SLC9B1: variants seen among roughly 807,000 people sequenced by gnomAD.
SLC9B1 encodes solute carrier family 9 member B1, also known as sodium/hydrogen exchanger 9B1.
Under a neutral mutation model 51.7 loss-of-function variants are expected in SLC9B1, and 32 were observed. The ratio of observed to expected loss-of-function variants is 0.62; its 90% CI spans 0.47 to 0.83. The LOEUF (loss-of-function observed/expected upper bound fraction) is 0.83, where lower values mean the gene tolerates loss of function less well. Ranked by LOEUF, SLC9B1 falls within the 40% of genes least tolerant of loss-of-function variation. The pLI is 0.00. For synonymous variants in SLC9B1, 145 were observed against 212.7 expected, an observed-to-expected ratio of 0.68 and a Z score of 2.77; for missense variants, 406 against 613.2, an observed-to-expected ratio of 0.66 and a Z score of 3.57.
chr4:102,974,241 T>TAAAAAAAA (rs1560962155), intron 3 of SLC9B1, among the ~76,000 whole-genome samples: 1 of 16,756 alleles, frequency 6.0e-5, no homozygotes, highest in African/African-American at 1.8e-4. Context: ...TGTCTAAAAT[T>TAAAAAAAA]GAAAAAAAAA....
chr4:102,907,118 C>A (rs1018524736), intron 9 of SLC9B1, among the ~76,000 whole-genome samples: 1 of 152,176 alleles, frequency 6.6e-6, no homozygotes, highest in African/African-American at 2.4e-5. Flanking sequence ...TTTATTCAAA[C>A]ACTTAGGTAG....
intron 4 of SLC9B1, among the ~76,000 whole-genome samples, chr4:102,947,090 C>A (rs1256569093): frequency 6.6e-6 from 1 of 152,050 alleles, no homozygotes; most frequent in Non-Finnish European, 1.5e-5. Context: ...AGTAAGGCAC[C>A]ATGGGAAGGT....
chr4:102,991,769 A>G, intron 1 of SLC9B1, 57 bp from the exon 2 acceptor site: 1 of 1,231,622 alleles, frequency 8.1e-7, no homozygotes, highest in Non-Finnish European at 1.1e-6. Flanking sequence ...AATCCATATG[A>G]AAACAAACAT....
At position 102,981,227 on chromosome 4, in the gene SLC9B1, GTTTA is replaced by G. The variant is rs775825330; in HGVS notation, c.211+8569_211+8572del. Among the ~76,000 whole-genome samples, 19 of 152,174 alleles carry G rather than the reference GTTTA, an allele frequency of 1.2e-4. No homozygotes were observed. In the East Asian group the frequency reaches 2.5e-3, roughly 20 times the overall value. The stretch of plus-strand genomic sequence containing the variant: ...TATTCCACTTTCTAGATGTACCACA[GTTTA>G]TTTATTCACTCACCTAATGAAAGAC... On this transcript the variant is annotated intron_variant, in intron 3 of 11. Coordinates refer to ENST00000296422, the MANE Select transcript of SLC9B1 (RefSeq NM_139173.4).
chr4:102,947,617 T>G (rs1183195417), intron 4 of SLC9B1, among the ~76,000 whole-genome samples: 1 of 152,218 alleles, frequency 6.6e-6, no homozygotes, highest in African/African-American at 2.4e-5. Context: ...CCTCCCAAAG[T>G]GCTGGGATTA....
At chr4:102,964,793 T>C (rs1041050731) in intron 3 of SLC9B1, among the ~76,000 whole-genome samples, 11 of 152,170 alleles carry the variant, frequency 7.2e-5, no homozygotes, top group African/African-American at 2.2e-4. Flanking sequence ...AGGGAACTTC[T>C]TCAAATGATC....
At chr4:102,927,390 AC>A (rs1204761169) in intron 7 of SLC9B1, among the ~76,000 whole-genome samples, 3 of 152,230 alleles carry the variant, frequency 2.0e-5, no homozygotes, top group Non-Finnish European at 2.9e-5. Flanking sequence ...CAAGAAAAAA[AC>A]AATACCATCA....
intron 3 of SLC9B1, among the ~76,000 whole-genome samples, chr4:102,981,966 C>A (rs575967000): frequency 3.3e-5 from 5 of 152,180 alleles, no homozygotes; most frequent in Admixed American, 1.3e-4. Flanking sequence ...ATACCTAAAA[C>A]TCATTACCAT....
chr4:103,005,277 AC>A lies in SLC9B1; in HGVS notation c.-1-13566del, dbSNP rs199595591. On this transcript the variant is annotated intron_variant, in intron 1 of 11. Coordinates refer to ENST00000296422, the MANE Select transcript of SLC9B1 (RefSeq NM_139173.4). Reference sequence around the variant, plus strand: ...CAAGCAAATTAAAAAAAAAAAAAAAACCAGAAAAAAGCAGGGGTTACTGTTC... The same window carrying A: ...CAAGCAAATTAAAAAAAAAAAAAAAACAGAAAAAAGCAGGGGTTACTGTTC... Among the ~76,000 whole-genome samples, 1,044 of 148,040 alleles carry A rather than the reference AC, an allele frequency of 7.1e-3. 6 individuals carry two copies. The highest frequency in any genetic ancestry group is 0.025 in the African/African-American group (997 of 40,004).
intron 3 of SLC9B1, among the ~76,000 whole-genome samples, chr4:102,957,775 T>C (rs188423916): frequency 5.3e-5 from 8 of 150,850 alleles, no homozygotes; most frequent in African/African-American, 2.0e-4. Flanking sequence ...TGTGTGTATG[T>C]GTGTATATGT....
chr4:102,934,545 T>C (rs1226595559), intron 6 of SLC9B1, among the ~76,000 whole-genome samples: 1 of 152,138 alleles, frequency 6.6e-6, no homozygotes, highest in Non-Finnish European at 1.5e-5. Flanking sequence ...ACACCTGTAA[T>C]CCCAGCACTT....
At chr4:102,959,525 A>G (rs1002388431) in intron 3 of SLC9B1, among the ~76,000 whole-genome samples, 1 of 149,402 alleles carries the variant, frequency 6.7e-6, no homozygotes, top group Non-Finnish European at 1.5e-5. Flanking sequence ...CATTTTGAGG[A>G]AAGATATTTT....
At chr4:102,993,431 G>A (rs1740053417) in intron 1 of SLC9B1, among the ~76,000 whole-genome samples, 1 of 152,200 alleles carries the variant, frequency 6.6e-6, no homozygotes, top group Admixed American at 6.5e-5. Context: ...TGCAAGAGGT[G>A]GGCTCCCATG....
At chr4:103,017,737 A>C (rs1741458366) in intron 1 of SLC9B1, among the ~76,000 whole-genome samples, 1 of 152,190 alleles carries the variant, frequency 6.6e-6, no homozygotes, top group Non-Finnish European at 1.5e-5. Flanking sequence ...CTATTATCCA[A>C]AATTCCTTGC....
intron 3 of SLC9B1, among the ~76,000 whole-genome samples, chr4:102,958,941 C>T (rs1737943518): frequency 6.6e-6 from 1 of 151,008 alleles, no homozygotes; most frequent in South Asian, 2.1e-4. Context: ...AAAAAATCAA[C>T]AGAGAAATTG....
intron 7 of SLC9B1, among the ~76,000 whole-genome samples, chr4:102,921,417 A>G (rs1239266221): frequency 6.6e-6 from 1 of 152,222 alleles, no homozygotes; most frequent in Non-Finnish European, 1.5e-5. Flanking sequence ...GGAAGCACTA[A>G]ACATGGAAAG....
intron 3 of SLC9B1, among the ~76,000 whole-genome samples, chr4:102,986,857 C>G (rs1167557745): frequency 6.6e-6 from 1 of 152,072 alleles, no homozygotes. Context: ...CTCATCTGTT[C>G]TTACATGTTT....
At chr4:102,943,506 T>TATATACACACAC (rs1553982064) in intron 6 of SLC9B1, among the ~76,000 whole-genome samples, 2 of 145,482 alleles carry the variant, frequency 1.4e-5, no homozygotes, top group African/African-American at 5.1e-5. Context: ...TGTGTATGTA[T>TATATACACACAC]ACACACACAC....
intron 3 of SLC9B1, among the ~76,000 whole-genome samples, chr4:102,978,680 A>T (rs1739203726): frequency 6.6e-6 from 1 of 152,154 alleles, no homozygotes; most frequent in African/African-American, 2.4e-5. Flanking sequence ...GCTGGAGAGG[A>T]TGTGGAGAAA....
Sources: allele counts gnomAD v4.1 joint callset (sites outside exome capture counted in the v4.1 genomes callset), GRCh38; gene constraint gnomAD v4.1.1; transcripts MANE v1.5; gene names NCBI Gene and HGNC (gene_info 2026-07-23, HGNC 2026-07-21).